The following TMPRSS11E variants were observed in gnomAD, a reference collection of about 807,000 sequenced individuals.
The protein encoded by TMPRSS11E is transmembrane serine protease 11E.
Under a neutral mutation model 48.1 loss-of-function variants are expected in TMPRSS11E, and 38 were observed. That is an observed-to-expected ratio of 0.79 (90% CI 0.61 to 1.04). TMPRSS11E has a LOEUF of 1.04. TMPRSS11E is among the 50% of genes least tolerant of loss of function. The pLI, the probability that TMPRSS11E is intolerant of heterozygous loss-of-function variation, is 0.00. For missense variants in TMPRSS11E, 530 were observed against 510.8 expected, an observed-to-expected ratio of 1.04 and a Z score of -0.36; for synonymous variants, 158 against 171.9, an observed-to-expected ratio of 0.92 and a Z score of 0.63.
chr4:68,476,271 A>C lies in TMPRSS11E; in HGVS notation c.540A>C (p.Thr180=). 1 of 1,614,100 alleles carries C rather than the reference A, an allele frequency of 6.2e-7. No individual in the cohort carries two copies. The highest frequency in any genetic ancestry group is 1.3e-5 in the African/African-American group (1 of 75,066). Reference sequence around the variant, plus strand: ...CTCTCTCTTTTGCAGGCTGCGGAACACGAAGAAGTAAAACTCTAGGTCAGA... The same window carrying C: ...CTCTCTCTTTTGCAGGCTGCGGAACCCGAAGAAGTAAAACTCTAGGTCAGA... ...TDSYLNHCCG[T]RRSKTLGQSL... The change falls in exon 7 of 10, where the codon ACA becomes ACC. Residue 180 remains threonine, a synonymous_variant. Coordinates refer to ENST00000305363, the MANE Select transcript of TMPRSS11E (RefSeq NM_014058.4).
chr4:68,470,014 C>T (rs1729020800), intron 4 of TMPRSS11E, among the ~76,000 whole-genome samples: 1 of 151,830 alleles, frequency 6.6e-6, no homozygotes, highest in Admixed American at 6.6e-5. Flanking sequence ...TCTTCTGTTA[C>T]TGCAATAGTG....
chr4:68,461,907 C>A lies in TMPRSS11E; in HGVS notation c.98C>A (p.Ala33Glu), dbSNP rs373099493. ...LVIFISLIVL[A>E]VCIGLTVHYV... ...ATCTTCATATCCCTGATTGTCCTGG[C>A]AGTGTGCATTGGACTCACTGTTCAT... Residue 33 changes from alanine to glutamate, a missense_variant, in exon 2 of 10, where the codon GCA (alanine) becomes GAA (glutamate). By Grantham distance (107) the Ala-to-Glu change is moderately radical. Coordinates refer to ENST00000305363, the MANE Select transcript of TMPRSS11E (RefSeq NM_014058.4). The A allele has an allele frequency of 2.9e-5, 47 of 1,614,042 alleles. No homozygotes were observed. Among genetic ancestry groups the A allele is most frequent in the Admixed American group, 5.0e-5 (3 of 60,012 alleles).
At position 68,477,419 on chromosome 4, in the gene TMPRSS11E, C is replaced by T; in HGVS notation, c.758C>T (p.Pro253Leu). The T allele has an allele frequency of 6.2e-7, 1 of 1,613,968 alleles. No homozygotes were observed. ...GCTTCCTTTGGAGTAACAATAAAAC[C>T]TTCGAAAATGAAACGGGGTCTCCGG... is the stretch of plus-strand genomic sequence containing the variant. ...WTASFGVTIK[P>L]SKMKRGLRRI... The change falls in exon 8 of 10, where the codon CCT becomes CTT. Residue 253 changes from proline (P) to leucine (L), a missense_variant. Transcript: ENST00000305363.
At chr4:68,489,456 G>A (rs147984133) in intron 9 of TMPRSS11E, among the ~76,000 whole-genome samples, 4,551 of 152,240 alleles carry the variant, frequency 0.03, 145 homozygotes, top group African/African-American at 0.077. Flanking sequence ...TGCTGGTCGT[G>A]GGGTAGTGGC....
At chr4:68,460,144 C>G (rs1410739989) in intron 1 of TMPRSS11E, among the ~76,000 whole-genome samples, 2 of 152,086 alleles carry the variant, frequency 1.3e-5, no homozygotes, top group Non-Finnish European at 2.9e-5. Flanking sequence ...GCCCCTGGAG[C>G]CTTCCACTAC....
At chr4:68,494,076 A>G (rs551621038) in intron 9 of TMPRSS11E, among the ~76,000 whole-genome samples, 1 of 152,044 alleles carries the variant, frequency 6.6e-6, no homozygotes, top group South Asian at 2.1e-4. Context: ...CAATCTGGCT[A>G]TGCTCAAGAT....
In TMPRSS11E at chr4:68,496,719, A is replaced by G; in HGVS notation, c.1187A>G (p.Asp396Gly). ...CTTGCTGGAATAGTGAGCTGGGGAG[A>G]TGAATGTGCGAAACCCAACAAGCCT... ...WYLAGIVSWG[D>G]ECAKPNKPGV... Residue 396 changes from aspartate (D) to glycine (G), a missense_variant, in exon 10 of 10, where the codon GAT becomes GGT. Coordinates refer to ENST00000305363, the MANE Select transcript of TMPRSS11E (RefSeq NM_014058.4). 4 of 1,613,670 alleles carry G rather than the reference A, an allele frequency of 2.5e-6. No individual in the cohort carries two copies. The highest frequency in any genetic ancestry group is 3.4e-6 in the Non-Finnish European group (4 of 1,179,702).
chr4:68,452,148 C>G (rs1025145749), intron 1 of TMPRSS11E, among the ~76,000 whole-genome samples: 1 of 151,840 alleles, frequency 6.6e-6, no homozygotes, highest in African/African-American at 2.4e-5. Context: ...TCAGTCAAGA[C>G]AGAGATGTAG....
intron 1 of TMPRSS11E, among the ~76,000 whole-genome samples, chr4:68,460,034 G>A (rs1327368553): frequency 6.6e-6 from 1 of 152,126 alleles, no homozygotes; most frequent in Non-Finnish European, 1.5e-5. Flanking sequence ...CTACTCAAGG[G>A]AAAACTGGAG....
chr4:68,493,718 C>A (rs1479150240), intron 9 of TMPRSS11E, among the ~76,000 whole-genome samples: 2 of 152,070 alleles, frequency 1.3e-5, no homozygotes, highest in Non-Finnish European at 2.9e-5. Context: ...AAGCTCCTGA[C>A]CTCAGGAGAT....
intron 2 of TMPRSS11E, among the ~76,000 whole-genome samples, chr4:68,463,976 C>G (rs974555107): frequency 2.6e-5 from 4 of 152,270 alleles, no homozygotes; most frequent in Admixed American, 2.6e-4. Flanking sequence ...TTATAAGATT[C>G]ATAAATCTTA....
intron 6 of TMPRSS11E, among the ~76,000 whole-genome samples, 164 bp from the exon 7 acceptor site, chr4:68,476,097 T>C (rs2109696203): frequency 6.6e-6 from 1 of 152,288 alleles, no homozygotes. Flanking sequence ...AGGAGTTAGC[T>C]AAATAAAACA....
chr4:68,487,332 A>G (rs1209491070), intron 9 of TMPRSS11E, among the ~76,000 whole-genome samples: 3 of 151,390 alleles, frequency 2.0e-5, no homozygotes, highest in Admixed American at 2.0e-4. Context: ...AGCTCACTAC[A>G]TCCTCTACCT....
intron 9 of TMPRSS11E, among the ~76,000 whole-genome samples, chr4:68,486,311 C>A (rs371697153): frequency 6.6e-6 from 1 of 152,108 alleles, no homozygotes; most frequent in African/African-American, 2.4e-5. Context: ...ACTGCTTTAC[C>A]TGTGTCCCAG....
At position 68,484,396 on chromosome 4, in the gene TMPRSS11E, T is replaced by A. The variant is rs146357339; in HGVS notation, c.1110+5405T>A. Among the ~76,000 whole-genome samples the A allele has an allele frequency of 3.4e-3, 521 of 152,254 alleles. 3 individuals carry two copies. The highest frequency in any genetic ancestry group is 0.012 in the African/African-American group (496 of 41,542). ...ACTATAGTTCACTGCAGCCTTGAAC[T>A]CCTGGGCTCAAGCGATCCTCCCACT... On this transcript the variant is annotated intron_variant, in intron 9 of 9. Coordinates refer to ENST00000305363, the MANE Select transcript of TMPRSS11E (RefSeq NM_014058.4).
chr4:68,466,806 T>C, intron 3 of TMPRSS11E, 54 bp downstream of exon 3: 1 of 1,607,148 alleles, frequency 6.2e-7, no homozygotes, highest in Admixed American at 1.7e-5. Context: ...TTTACCATAT[T>C]TTTAGCATCC....
intron 9 of TMPRSS11E, among the ~76,000 whole-genome samples, chr4:68,492,013 T>C (rs1027384991): frequency 1.3e-5 from 2 of 152,222 alleles, no homozygotes; most frequent in African/African-American, 4.8e-5. Context: ...AGTTGACCTT[T>C]GTTTATACTC....
At chr4:68,490,175 C>T (rs1272696795) in intron 9 of TMPRSS11E, among the ~76,000 whole-genome samples, 1 of 152,134 alleles carries the variant, frequency 6.6e-6, no homozygotes, top group African/African-American at 2.4e-5. Flanking sequence ...CAGCTTCCTT[C>T]CCTTTCAGCC....
At chr4:68,460,655 A>C (rs964972245) in intron 1 of TMPRSS11E, among the ~76,000 whole-genome samples, 1 of 152,178 alleles carries the variant, frequency 6.6e-6, no homozygotes, top group African/African-American at 2.4e-5. Flanking sequence ...TAAATACCTC[A>C]AGAAATCTAA....
Sources: gnomAD v4.1 joint callset for allele counts (sites outside exome capture counted in the v4.1 genomes callset) on GRCh38, gnomAD v4.1.1 for gene constraint, MANE v1.5 for transcripts, NCBI Gene and HGNC (gene_info 2026-07-23, HGNC 2026-07-21) for gene names.